Variants in GRID2 observed in about 807,000 individuals in gnomAD.
The protein encoded by GRID2 is glutamate receptor ionotropic, delta-2.
GRID2 carries 33 observed loss-of-function variants against 114.8 expected under a neutral mutation model. The ratio of observed to expected loss-of-function variants is 0.29; its 90% confidence interval spans 0.22 to 0.38. The LOEUF is 0.38. Ranked by LOEUF, GRID2 falls within the 10% of genes least tolerant of loss-of-function variation. The probability of loss-of-function intolerance (pLI) is 1.00; values close to 1 mark genes in which losing one functional copy is unlikely to be tolerated. For missense variants in GRID2, 1,184 were observed against 1,257.7 expected, an observed-to-expected ratio of 0.94 and a Z score of 0.89; for synonymous variants, 505 against 449.9, an observed-to-expected ratio of 1.12 and a Z score of -1.55.
chr4:93,070,089 T>C (rs1728680407), intron 2 of GRID2, among the ~76,000 whole-genome samples: 1 of 152,116 alleles, frequency 6.6e-6, no homozygotes, highest in African/African-American at 2.4e-5. Context: ...ACACAAAAAG[T>C]ATTAGTGTCA....
intron 2 of GRID2, among the ~76,000 whole-genome samples, chr4:92,610,930 T>G (rs1729691127): frequency 6.6e-6 from 1 of 151,782 alleles, no homozygotes; most frequent in African/African-American, 2.4e-5. Flanking sequence ...TAGGGATATA[T>G]CATTTTGTTT....
chr4:92,868,347 A>G (rs1004799066), intron 2 of GRID2, among the ~76,000 whole-genome samples: 8 of 152,106 alleles, frequency 5.3e-5, no homozygotes, highest in African/African-American at 1.9e-4. Flanking sequence ...CACCAACCTC[A>G]TAACAAACCT....
At chr4:93,510,878 T>C (rs1314000952) in intron 12 of GRID2, among the ~76,000 whole-genome samples, 1 of 152,204 alleles carries the variant, frequency 6.6e-6, no homozygotes, top group Non-Finnish European at 1.5e-5. Context: ...TTAAAGCTAT[T>C]GCTGTCAGAT....
chr4:93,687,167 TAAAATAAGACA>T (rs1487203490), intron 14 of GRID2, among the ~76,000 whole-genome samples: 1 of 151,966 alleles, frequency 6.6e-6, no homozygotes, highest in Non-Finnish European at 1.5e-5. Flanking sequence ...GAGAGGTTTA[TAAAATAAGACA>T]AAAATAAAGG....
intron 9 of GRID2, among the ~76,000 whole-genome samples, chr4:93,400,062 T>G (rs1765726456): frequency 6.6e-6 from 1 of 152,110 alleles, no homozygotes; most frequent in South Asian, 2.1e-4. Context: ...TGCCTCCATA[T>G]AGCTAGCAGG....
At chr4:92,370,170 T>G (rs942542865) in intron 1 of GRID2, among the ~76,000 whole-genome samples, 1 of 152,196 alleles carries the variant, frequency 6.6e-6, no homozygotes. Flanking sequence ...ATATCTGTTA[T>G]GGTGATCTGT....
At chr4:93,136,399 C>T (rs1361116257) in intron 4 of GRID2, among the ~76,000 whole-genome samples, 1 of 152,052 alleles carries the variant, frequency 6.6e-6, no homozygotes, top group Non-Finnish European at 1.5e-5. Context: ...GTGGCCAAAG[C>T]TTCTGAGGAA....
chr4:93,322,742 C>T (rs964288595), intron 8 of GRID2, among the ~76,000 whole-genome samples: 1 of 152,154 alleles, frequency 6.6e-6, no homozygotes, highest in Non-Finnish European at 1.5e-5. Context: ...GCCATTCTAA[C>T]TGGTGTGAGA....
At chr4:93,412,343 G>A (rs913211774) in intron 9 of GRID2, among the ~76,000 whole-genome samples, 3 of 151,524 alleles carry the variant, frequency 2.0e-5, no homozygotes, top group East Asian at 2.0e-4. Flanking sequence ...GTAATGAGCC[G>A]TGATTGTGCC....
intron 14 of GRID2, among the ~76,000 whole-genome samples, chr4:93,701,978 T>C (rs1443983590): frequency 6.6e-6 from 1 of 152,120 alleles, no homozygotes; most frequent in Non-Finnish European, 1.5e-5. Context: ...TGTCTTATAT[T>C]TCCAGCTGTG....
intron 14 of GRID2, among the ~76,000 whole-genome samples, chr4:93,655,362 G>T (rs1234697757): frequency 1.3e-5 from 2 of 152,056 alleles, no homozygotes; most frequent in African/African-American, 2.4e-5. Context: ...TTATGAATTT[G>T]CTTCACTTCA....
At chr4:93,689,387 A>T (rs894868581) in intron 14 of GRID2, among the ~76,000 whole-genome samples, 2 of 152,072 alleles carry the variant, frequency 1.3e-5, no homozygotes, top group African/African-American at 2.4e-5. Flanking sequence ...CCTTCTGAGA[A>T]ATAATTCAGT....
At chr4:93,353,969 A>G (rs1417165788) in intron 8 of GRID2, among the ~76,000 whole-genome samples, 2 of 151,924 alleles carry the variant, frequency 1.3e-5, no homozygotes, top group Non-Finnish European at 2.9e-5. Context: ...ACATTGTTGA[A>G]TTATCGATGG....
At chr4:93,362,359 AG>A (rs1341862959) in intron 8 of GRID2, among the ~76,000 whole-genome samples, 1 of 151,866 alleles carries the variant, frequency 6.6e-6, no homozygotes, top group Non-Finnish European at 1.5e-5. Context: ...AGGCTTAGGC[AG>A]GCAGTGTGTC....
intron 14 of GRID2, among the ~76,000 whole-genome samples, chr4:93,668,940 C>T (rs953013924): frequency 1.4e-4 from 22 of 152,086 alleles, no homozygotes; most frequent in East Asian, 9.7e-4. Flanking sequence ...ATAGTTACTT[C>T]GTGGCATCAG....
intron 2 of GRID2, among the ~76,000 whole-genome samples, chr4:93,006,348 A>G (rs181271494): frequency 3.3e-5 from 5 of 152,182 alleles, no homozygotes; most frequent in African/African-American, 1.2e-4. Flanking sequence ...CTGAGAGTGG[A>G]TAAAATCAGA....
intron 8 of GRID2, among the ~76,000 whole-genome samples, chr4:93,311,338 C>G (rs527609484): frequency 1.3e-5 from 2 of 152,128 alleles, no homozygotes; most frequent in Non-Finnish European, 2.9e-5. Context: ...TTTCCAGTGG[C>G]TGTCTTGAAT....
chr4:92,428,886 T>C (rs1431330336), intron 1 of GRID2, among the ~76,000 whole-genome samples: 1 of 152,206 alleles, frequency 6.6e-6, no homozygotes, highest in African/African-American at 2.4e-5. Flanking sequence ...TAAATTATAC[T>C]TTAAGTTCTG....
chr4:92,810,744 G>A (rs956930650), intron 2 of GRID2, among the ~76,000 whole-genome samples: 1 of 151,890 alleles, frequency 6.6e-6, no homozygotes, highest in Non-Finnish European at 1.5e-5. Flanking sequence ...AGGAATCAAG[G>A]TTTTAATTTT....
Sources: gnomAD v4.1 joint callset for allele counts (sites outside exome capture counted in the v4.1 genomes callset) on GRCh38, gnomAD v4.1.1 for gene constraint, MANE v1.5 for transcripts, NCBI Gene and HGNC (gene_info 2026-07-23, HGNC 2026-07-21) for gene names.